CYP1A1: variants seen among roughly 807,000 people sequenced by gnomAD.
CYP1A1 encodes the protein cytochrome P450 1A1.
A neutral mutation model predicts 33.6 loss-of-function variants in CYP1A1; 43 were observed. That is an observed-to-expected ratio of 1.28 (90% CI 1.00 to 1.65). The LOEUF (loss-of-function observed/expected upper bound fraction) is 1.65, where lower values mean the gene tolerates loss of function less well. CYP1A1 is among the 40% of genes most tolerant of loss of function. The pLI, the probability that CYP1A1 is intolerant of heterozygous loss-of-function variation, is 0.00. For synonymous variants in CYP1A1, 280 were observed against 257.8 expected, an observed-to-expected ratio of 1.09 and a Z score of -0.83; for missense variants, 637 against 653.7, an observed-to-expected ratio of 0.97 and a Z score of 0.28.
In CYP1A1 at chr15:74,723,317, T is replaced by C. The variant is rs34331219; in HGVS notation, c.-29-191A>G. ...CTAAGAATTTCACAGTCCTTCTTCA[T>C]TCAGCCCTGGCCACAAATCTATGAA... On this transcript the variant is annotated intron_variant, in intron 1 of 6. Transcript: ENST00000379727. 4.6e-3 allele frequency among the ~76,000 whole-genome samples: 698 copies of C among 152,278 alleles called. 8 individuals are homozygous for C. The highest frequency in any genetic ancestry group is 7.8e-3 in the African/African-American group (324 of 41,546).
intron 2 of CYP1A1, chr15:74,722,048 A>T (rs940348775): frequency 3.4e-6 from 2 of 595,522 alleles, no homozygotes; most frequent in African/African-American, 1.9e-5. Context: ...GCATGTAATG[A>T]CTCTTCAGTG....
At position 74,721,328 on chromosome 15, in the gene CYP1A1, G is replaced by C. The variant is rs776565785; in HGVS notation, c.1043-6C>G. 1.1e-5 allele frequency: 17 copies of C among 1,613,818 alleles called. No individual in the cohort carries two copies. Among genetic ancestry groups the C allele is most frequent in the Non-Finnish European group, 1.4e-5 (16 of 1,179,832 alleles). ...TGACCTGCCAATCACTGTGTCTGCA[G>C]AACACAGGGACAAGATGGATGCAGG... On this transcript the variant is annotated splice_region_variant and splice_polypyrimidine_tract_variant and intron_variant, in intron 4 of 6. Transcript: ENST00000379727.
rs779251470 is a variant in CYP1A1, at chr15:74,722,969, T to C, written c.129A>G (p.Pro43=). Residue 43 remains proline (P), a synonymous_variant, in exon 2 of 7, where the codon CCA becomes CCG. Coordinates refer to ENST00000379727, the MANE Select transcript of CYP1A1 (RefSeq NM_001319217.2). ...VPKGLKNPPG[P]WGWPLIGHML... ...TGTGCCCAATCAGAGGCCAGCCCCA[T>C]GGCCCTGGTGGATTCTTCAGGCCTT... The C allele has an allele frequency of 8.1e-6, 13 of 1,614,174 alleles. No homozygotes were observed. The highest frequency in any genetic ancestry group is 1.7e-5 in the Admixed American group (1 of 60,028).
chr15:74,724,524 G>A (rs1249102424), intron 1 of CYP1A1, among the ~76,000 whole-genome samples: 2 of 151,820 alleles, frequency 1.3e-5, no homozygotes, highest in African/African-American at 4.8e-5. Context: ...CAGATCTGCT[G>A]TGGGGAACCT....
At position 74,720,420 on chromosome 15, in the gene CYP1A1, C is replaced by G; in HGVS notation, c.*69G>C. On this transcript the variant is annotated 3_prime_UTR_variant, in exon 7 of 7. Coordinates refer to ENST00000379727, the MANE Select transcript of CYP1A1 (RefSeq NM_001319217.2). ...CAGGCTGAACCTTAGACCACATAGG[C>G]CAGCCTGCTGGTCTGGCTGCCCAAC... The G allele has an allele frequency of 6.7e-7, 1 of 1,484,616 alleles. No homozygotes were observed. The highest frequency in any genetic ancestry group is 9.0e-7 in the Non-Finnish European group (1 of 1,107,758). The allele number at this position is 1,484,616 out of a possible 1,614,324, so 92.0% of individuals were successfully genotyped here.
intron 1 of CYP1A1, among the ~76,000 whole-genome samples, chr15:74,724,358 C>G (rs1378778069): frequency 1.3e-5 from 2 of 152,118 alleles, no homozygotes; most frequent in African/African-American, 4.8e-5. Flanking sequence ...CTGCCTGTTA[C>G]CCTGGACTAG....
chr15:74,721,387 A>T (rs1458590941), intron 4 of CYP1A1, 27 bp downstream of exon 4: 1 of 1,613,854 alleles, frequency 6.2e-7, no homozygotes, highest in African/African-American at 1.3e-5. Context: ...CCTGGCACTG[A>T]CCCCTTTGAA....
At chr15:74,725,156 G>GAC (rs2063206328) in intron 1 of CYP1A1, 1 of 152,762 alleles carries the variant, frequency 6.5e-6, no homozygotes, top group African/African-American at 2.4e-5. Flanking sequence ...TAGGCAGGGA[G>GAC]ACACTCACTA....
chr15:74,720,489 C>T lies in CYP1A1; in HGVS notation c.1539G>A (p.Ter513=), dbSNP rs371424602. The T allele has an allele frequency of 4.6e-5, 72 of 1,560,622 alleles. No individual in the cohort carries two copies. The highest frequency in any genetic ancestry group is 9.0e-5 in the East Asian group (4 of 44,490). Residue 513 remains the stop codon, a stop_retained_variant, in exon 7 of 7, where the codon TAG becomes TAA. Transcript: ENST00000379727. ...TCTAGGCCTCAGGGCTCTCAAGCAC[C>T]TAAGAGCGCAGCTGCATTTGGAAGT... The part of the protein sequence containing the change: ...CEHFQMQLRS[*]
Position 74,721,200 on chromosome 15 carries a change from T to C in CYP1A1, c.1165A>G (p.Ser389Gly), listed in dbSNP as rs1203612160. The change falls in exon 5 of 7, where the codon AGC becomes GGC. Residue 389 changes from serine (S) to glycine (G), a missense_variant and splice_region_variant. Coordinates refer to ENST00000379727, the MANE Select transcript of CYP1A1 (RefSeq NM_001319217.2). The stretch of plus-strand genomic sequence containing the variant: ...AGCAGTGGCTCCATGGGGCCTTACC[T>C]GTGGGGGATGGTGAAGGGGACGAAG... ...SSFVPFTIPH[S>G]TTRDTSLKGF... 6.2e-7 allele frequency: 1 copy of C among 1,611,654 alleles called. No homozygotes were observed. The highest frequency in any genetic ancestry group is 1.7e-5 in the Admixed American group (1 of 59,910).
chr15:74,721,505 T>C lies in CYP1A1; in HGVS notation c.953-2A>G, dbSNP rs1360230790. 6 of 1,614,148 alleles carry C rather than the reference T, an allele frequency of 3.7e-6. No homozygotes were observed. Among genetic ancestry groups the C allele is most frequent in the Non-Finnish European group, 3.4e-6 (4 of 1,180,026 alleles). On this transcript the variant is annotated splice_acceptor_variant, in intron 3 of 6. Transcript: ENST00000379727. LOFTEE classifies it high-confidence loss of function. ...TAGCAGTTGTGACTGTGTCAAACCC[T>C]GGACAGGGTAGAACAGAAGAAGTTA...
Position 74,720,722 on chromosome 15 carries a change from CA to C in CYP1A1, c.1305del (p.Asp436MetfsTer8), listed in dbSNP as rs753423324. Reference sequence around the variant, plus strand: ...CTTAACACCTTGTCGATAGCACCATCAGGGGTGAGAAACCGTTCAGGTAGGA... The same window carrying C: ...CTTAACACCTTGTCGATAGCACCATCGGGGTGAGAAACCGTTCAGGTAGGA... The part of the protein sequence containing the change: ...SEFLPERFLT[P>X]DGAIDKVLSE... On this transcript the variant is annotated frameshift_variant, in exon 7 of 7. Transcript: ENST00000379727. LOFTEE classifies it high-confidence loss of function. The C allele has an allele frequency of 5.1e-5, 83 of 1,614,056 alleles. No homozygotes were observed. The highest frequency in any genetic ancestry group is 2.4e-4 in the South Asian group (22 of 91,074).
chr15:74,721,241 G>T lies in CYP1A1; in HGVS notation c.1124C>A (p.Thr375Asn), dbSNP rs905657710. 1.2e-6 allele frequency: 2 copies of T among 1,613,876 alleles called. No individual in the cohort carries two copies. The highest frequency in any genetic ancestry group is 3.3e-5 in the Admixed American group (2 of 60,004). ...LPYMEAFILETFRHSSFVPFT... is the reference protein window; with the variant it reads ...LPYMEAFILENFRHSSFVPFT... Reference sequence around the variant, plus strand: ...GGGGACGAAGGAAGAGTGTCGGAAGGTCTCCAGGATGAAGGCCTCCATATA... The same window carrying T: ...GGGGACGAAGGAAGAGTGTCGGAAGTTCTCCAGGATGAAGGCCTCCATATA... Residue 375 changes from threonine to asparagine, a missense_variant, in exon 5 of 7, where the codon ACC (threonine) becomes AAC (asparagine). Thr to Asn is a moderately conservative substitution (Grantham distance 65, BLOSUM62 0). Coordinates refer to ENST00000379727, the MANE Select transcript of CYP1A1 (RefSeq NM_001319217.2).
intron 1 of CYP1A1, 71 bp from the exon 2 acceptor site, chr15:74,723,197 G>A: frequency 2.3e-6 from 2 of 876,838 alleles, no homozygotes; most frequent in Non-Finnish European, 3.4e-6. Flanking sequence ...AATATCTAGA[G>A]TGTCAGGGAA....
Position 74,720,464 on chromosome 15 carries a change from T to G in CYP1A1, c.*25A>C. The G allele has an allele frequency of 6.5e-7, 1 of 1,538,470 alleles. No individual in the cohort carries two copies. Among genetic ancestry groups the G allele is most frequent in the Non-Finnish European group, 8.7e-7 (1 of 1,144,016 alleles). On this transcript the variant is annotated 3_prime_UTR_variant, in exon 7 of 7. Coordinates refer to ENST00000379727, the MANE Select transcript of CYP1A1 (RefSeq NM_001319217.2). ...GCCCAACCAGACCAGGTAGACAGAG[T>G]CTAGGCCTCAGGGCTCTCAAGCACC...
chr15:74,720,965 A>ACC lies in CYP1A1; in HGVS notation c.1253+1_1253+2insGG, dbSNP rs1328493512. ...GCCTTTCCTCTGCATCTCTGAACTT[A>ACC]CTGGTCATGGTTGATCTGCCACTGG... is the stretch of plus-strand genomic sequence containing the variant. On this transcript the variant is annotated splice_donor_variant, in intron 6 of 6. Transcript: ENST00000379727. LOFTEE classifies it high-confidence loss of function. The ACC allele has an allele frequency of 6.2e-7, 1 of 1,614,052 alleles. No individual in the cohort carries two copies. The highest frequency in any genetic ancestry group is 2.2e-5 in the East Asian group (1 of 44,884).
Position 74,722,906 on chromosome 15 carries a change from T to C in CYP1A1, c.192A>G (p.Ser64=). The change falls in exon 2 of 7, where the codon TCA becomes TCG. Residue 64 remains serine, a synonymous_variant. Coordinates refer to ENST00000379727, the MANE Select transcript of CYP1A1 (RefSeq NM_001319217.2). ...TLGKNPHLAL[S]RMSQQYGDVL... ...CGTCCCCATACTGCTGGCTCATCCT[T>C]GACAGTGCCAGGTGCGGGTTCTTTC... 1.2e-6 allele frequency: 2 copies of C among 1,614,170 alleles called. No homozygotes were observed. The highest frequency in any genetic ancestry group is 1.7e-6 in the Non-Finnish European group (2 of 1,180,026).
At chr15:74,723,371 A>G (rs148435985) in intron 1 of CYP1A1, among the ~76,000 whole-genome samples, 1 of 152,284 alleles carries the variant, frequency 6.6e-6, no homozygotes, top group Non-Finnish European at 1.5e-5. Context: ...CAGAGAAGGT[A>G]AGTAACTTGC....
chr15:74,721,883 T>G (rs749707237), intron 2 of CYP1A1, 166 bp from the exon 3 acceptor site: 14 of 820,144 alleles, frequency 1.7e-5, no homozygotes, highest in Non-Finnish European at 2.6e-5. Flanking sequence ...TCCTACTACC[T>G]TAGAATGCTG....
Sources: gnomAD v4.1 joint callset for allele counts (sites outside exome capture counted in the v4.1 genomes callset) on GRCh38, gnomAD v4.1.1 for gene constraint, MANE v1.5 for transcripts, NCBI Gene and HGNC (gene_info 2026-07-23, HGNC 2026-07-21) for gene names.